Variants in MRO observed in about 807,000 individuals in gnomAD.
MRO encodes protein maestro.
In MRO, 28 loss-of-function variants were observed where a neutral mutation model predicts 31.0. That is an observed-to-expected ratio of 0.90 (90% CI 0.67 to 1.24). The LOEUF (loss-of-function observed/expected upper bound fraction) is 1.24. Ranked by LOEUF, MRO falls within the 50% of genes most tolerant of loss-of-function variation. The probability of loss-of-function intolerance (pLI) is 0.00; values close to 1 mark genes in which losing one functional copy is unlikely to be tolerated. For synonymous variants in MRO, 108 were observed against 108.4 expected, an observed-to-expected ratio of 1.00 and a Z score of 0.02; for missense variants, 332 against 289.2, an observed-to-expected ratio of 1.15 and a Z score of -1.07.
intron 2 of MRO, among the ~76,000 whole-genome samples, chr18:50,817,994 A>AC (rs1283098232): frequency 0.012 from 1,291 of 109,440 alleles, 10 homozygotes; most frequent in Non-Finnish European, 0.018. Context: ...AAGAACTCCC[A>AC]CCCCCCGCCC....
At chr18:50,823,013 G>A (rs9959521), upstream of MRO, among the ~76,000 whole-genome samples, 30,158 of 151,922 alleles carry the variant, frequency 0.2, 3,074 homozygotes, top group Non-Finnish European at 0.23. Flanking sequence ...GCAGTCACTC[G>A]GGAAAACCCT....
chr18:50,813,952 T>C (rs544887702), intron 2 of MRO, among the ~76,000 whole-genome samples: 1 of 152,154 alleles, frequency 6.6e-6, no homozygotes, highest in African/African-American at 2.4e-5. Flanking sequence ...ACAATTTGCC[T>C]TTATAACAAA....
chr18:50,805,963 C>CTT (rs752108897), intron 4 of MRO, among the ~76,000 whole-genome samples: 44 of 143,234 alleles, frequency 3.1e-4, no homozygotes, highest in African/African-American at 8.2e-4. Flanking sequence ...AAGACTCTAT[C>CTT]TTTTTTTTTT....
rs188551682 is a variant in MRO, at chr18:50,819,761, G to A, written c.-126-59C>T. On this transcript the variant is annotated intron_variant, in intron 1 of 7. Transcript: ENST00000398439. ...CAGGGTCTGTCCAGGATAACGGGTC[G>A]GCACAGAGTGTTGGAAAGTGAGAAT... The A allele has an allele frequency of 2.4e-4, 379 of 1,547,218 alleles. 1 individual carries two copies. Among genetic ancestry groups the A allele is most frequent in the Admixed American group, 5.5e-4 (28 of 50,940 alleles).
At chr18:50,812,775 G>T (rs1040041063) in intron 2 of MRO, among the ~76,000 whole-genome samples, 1 of 152,120 alleles carries the variant, frequency 6.6e-6, no homozygotes, top group Admixed American at 6.5e-5. Flanking sequence ...AGAGATGGCA[G>T]GCAAGCAGCT....
upstream of MRO, chr18:50,823,854 G>C: frequency 4.9e-6 from 1 of 205,224 alleles, no homozygotes; most frequent in Non-Finnish European, 1.0e-5. Flanking sequence ...TTTGCTGCAT[G>C]TGCTTAAAAA....
intron 7 of MRO, 30 bp downstream of exon 7, chr18:50,800,006 A>G: frequency 2.0e-6 from 3 of 1,535,874 alleles, no homozygotes; most frequent in Non-Finnish European, 2.7e-6. Flanking sequence ...GGGACCGGAA[A>G]AGAATTCTCT....
At chr18:50,817,095 A>G (rs938856865) in intron 2 of MRO, among the ~76,000 whole-genome samples, 17 of 152,360 alleles carry the variant, frequency 1.1e-4, no homozygotes, top group Admixed American at 7.8e-4. Context: ...ACGGCAAAGT[A>G]AATGAGAACT....
intron 2 of MRO, among the ~76,000 whole-genome samples, chr18:50,816,517 A>G (rs4940021): frequency 0.35 from 53,251 of 152,046 alleles, 9,660 homozygotes; most frequent in South Asian, 0.5. Flanking sequence ...TGGGTTAACA[A>G]ATAAAGAAGA....
chr18:50,816,124 C>T (rs1198544403), intron 2 of MRO: 1 of 152,634 alleles, frequency 6.6e-6, no homozygotes, highest in Admixed American at 6.5e-5. Context: ...AGCAAGTTAC[C>T]TTGAAACAGT....
intron 5 of MRO, among the ~76,000 whole-genome samples, chr18:50,803,474 T>C (rs1913605729): frequency 6.7e-6 from 1 of 150,044 alleles, no homozygotes; most frequent in African/African-American, 2.5e-5. Flanking sequence ...GCCACTGTAC[T>C]CCAGCCTGGG....
rs758530860 is a variant in MRO at position 50,809,363 on chromosome 18, AG to A, written c.37del (p.Leu13PhefsTer15). ...QRQRRILGQP[L>X]SIPTSQPKQK... ...CTTGGGCTGGGAAGTAGGGATGGAA[AG>A]GGGCTGGCCCAGGATTCTCCTCTGT... On this transcript the variant is annotated frameshift_variant, in exon 3 of 8. Transcript: ENST00000398439. LOFTEE classifies it high-confidence loss of function. 109 of 1,613,846 alleles carry A rather than the reference AG, an allele frequency of 6.8e-5. No individual in the cohort carries two copies. In the Middle Eastern group the frequency reaches 1.3e-3, roughly 20 times the overall value.
rs1206159466 is a variant in MRO at position 50,796,449 on chromosome 18, A to C, written c.*2888T>G. On this transcript the variant is annotated 3_prime_UTR_variant, in exon 8 of 8. Coordinates refer to ENST00000398439, the MANE Select transcript of MRO (RefSeq NM_031939.6). ...CAAAAAAAAACTTTTCAGATAAGATATAAGTGGTATAATATTGCTAGAATG... is the reference window on the plus strand; with the variant it reads ...CAAAAAAAAACTTTTCAGATAAGATCTAAGTGGTATAATATTGCTAGAATG... 6.6e-6 allele frequency: 1 copy of C among 152,134 alleles called. No individual in the cohort carries two copies. The allele number at this position is 152,134 out of a possible 1,614,324, so 9.4% of individuals were successfully genotyped here.
At chr18:50,799,427 A>T (rs1913077308) in intron 7 of MRO, 37 bp from the exon 8 acceptor site, 3 of 1,584,268 alleles carry the variant, frequency 1.9e-6, no homozygotes, top group Non-Finnish European at 1.7e-6. Context: ...TGAGGGCAGG[A>T]TTCAACAAAC....
chr18:50,815,584 G>A lies in MRO; in HGVS notation c.-5+3997C>T, dbSNP rs1326467317. On this transcript the variant is annotated intron_variant, in intron 2 of 7. Transcript: ENST00000398439. ...AAATTTTGGTGGTGGTAACTATGGT[G>A]GTGGTGGAAACTATAATGATCTTGG... 4 of 299,770 alleles carry A rather than the reference G, an allele frequency of 1.3e-5. No individual in the cohort carries two copies. The Admixed American group carries it at 1.4e-4, about 11-fold the overall frequency. The allele number at this position is 299,770 out of a possible 1,614,324, so 18.6% of individuals were successfully genotyped here. A position where few individuals can be genotyped will look rare whatever the true frequency, so the allele number is the denominator to read the frequency against.
intron 2 of MRO, among the ~76,000 whole-genome samples, chr18:50,819,114 T>TG (rs11397740): frequency 0.14 from 20,826 of 152,050 alleles, 1,421 homozygotes; most frequent in Middle Eastern, 0.16. Context: ...AAGAAGAAAC[T>TG]GGGCTTAAAG....
At chr18:50,813,783 A>G (rs1437433588) in intron 2 of MRO, among the ~76,000 whole-genome samples, 1 of 152,190 alleles carries the variant, frequency 6.6e-6, no homozygotes, top group Non-Finnish European at 1.5e-5. Flanking sequence ...AGTGGGAGCT[A>G]AATGTTGAGT....
At chr18:50,812,680 T>C (rs759763015) in intron 2 of MRO, among the ~76,000 whole-genome samples, 1 of 152,206 alleles carries the variant, frequency 6.6e-6, no homozygotes, top group Non-Finnish European at 1.5e-5. Context: ...TTTGAGTTAA[T>C]ATTTGTATAT....
At chr18:50,802,040 C>T (rs1198698641) in intron 5 of MRO, among the ~76,000 whole-genome samples, 1 of 152,146 alleles carries the variant, frequency 6.6e-6, no homozygotes, top group Non-Finnish European at 1.5e-5. Flanking sequence ...AAGCACATGC[C>T]ACTGTTGTTG....
Sources: gnomAD v4.1 joint callset for allele counts (sites outside exome capture counted in the v4.1 genomes callset) on GRCh38, gnomAD v4.1.1 for gene constraint, MANE v1.5 for transcripts, NCBI Gene and HGNC (gene_info 2026-07-23, HGNC 2026-07-21) for gene names.